The following ARL8B variants were observed in gnomAD, a reference collection of about 807,000 sequenced individuals.
ARL8B encodes the protein ADP-ribosylation factor-like protein 8B.
A neutral mutation model predicts 30.6 loss-of-function variants in ARL8B; 9 were observed. The observed-to-expected ratio is 0.29, with a 90% confidence interval of 0.18 to 0.51. The LOEUF is 0.51. ARL8B is among the 20% of genes least tolerant of loss of function. The pLI is 0.97. For synonymous variants in ARL8B, 74 were observed against 76.0 expected, an observed-to-expected ratio of 0.97 and a Z score of 0.14; for missense variants, 130 against 227.2, an observed-to-expected ratio of 0.57 and a Z score of 2.75.
chr3:5,157,542 C>G (rs2054543928), intron 1 of ARL8B, among the ~76,000 whole-genome samples: 1 of 152,188 alleles, frequency 6.6e-6, no homozygotes, highest in Non-Finnish European at 1.5e-5. Flanking sequence ...TCTACTCCCT[C>G]CCCTCCCCAA....
At chr3:5,135,037 CAG>C (rs1248977410) in intron 1 of ARL8B, among the ~76,000 whole-genome samples, 2 of 152,146 alleles carry the variant, frequency 1.3e-5, no homozygotes, top group African/African-American at 4.8e-5. Context: ...TTGGTAGACA[CAG>C]GGTTTCGCCA....
At chr3:5,155,934 G>C (rs1575568707) in intron 1 of ARL8B, among the ~76,000 whole-genome samples, 9 of 150,678 alleles carry the variant, frequency 6.0e-5, no homozygotes, top group South Asian at 4.2e-4. Flanking sequence ...ACAGGGTCTT[G>C]CTCTGTCACC....
At chr3:5,125,664 C>G (rs1014188644) in intron 1 of ARL8B, among the ~76,000 whole-genome samples, 6 of 152,000 alleles carry the variant, frequency 3.9e-5, no homozygotes, top group Non-Finnish European at 8.8e-5. Context: ...TCCCGAGTAG[C>G]TGGGACTACA....
At chr3:5,137,690 G>C (rs571978600) in intron 1 of ARL8B, among the ~76,000 whole-genome samples, 1 of 152,140 alleles carries the variant, frequency 6.6e-6, no homozygotes, top group South Asian at 2.1e-4. Context: ...CACCCGCCTT[G>C]GCCTCCCAAA....
At chr3:5,129,812 G>T (rs1013706605) in intron 1 of ARL8B, among the ~76,000 whole-genome samples, 1 of 152,186 alleles carries the variant, frequency 6.6e-6, no homozygotes, top group South Asian at 2.1e-4. Context: ...GAAGCCAGGA[G>T]TTGAAGACCA....
At chr3:5,172,579 CAAT>C (rs1405664174) in intron 3 of ARL8B, 65 bp from the exon 4 acceptor site, 1 of 1,037,286 alleles carries the variant, frequency 9.6e-7, no homozygotes, top group African/African-American at 1.6e-5. Context: ...AATTAAAAAT[CAAT>C]AATACTAGTT....
intron 1 of ARL8B, among the ~76,000 whole-genome samples, chr3:5,137,555 C>T (rs2054338679): frequency 6.6e-6 from 1 of 151,124 alleles, no homozygotes; most frequent in South Asian, 2.1e-4. Flanking sequence ...TCTCCTGCCT[C>T]AGCCTCCCAA....
chr3:5,131,558 T>C (rs1157857894), intron 1 of ARL8B, among the ~76,000 whole-genome samples: 1 of 151,868 alleles, frequency 6.6e-6, no homozygotes, highest in Non-Finnish European at 1.5e-5. Context: ...GGCCAGATAA[T>C]TTTTGTATTT....
At chr3:5,149,521 A>G (rs535951784) in intron 1 of ARL8B, among the ~76,000 whole-genome samples, 1 of 152,240 alleles carries the variant, frequency 6.6e-6, no homozygotes, top group African/African-American at 2.4e-5. Flanking sequence ...CTCCTAGCAC[A>G]CAAGTCCCTC....
chr3:5,163,926 T>C (rs1325623067), intron 1 of ARL8B, among the ~76,000 whole-genome samples: 1 of 152,194 alleles, frequency 6.6e-6, no homozygotes, highest in Non-Finnish European at 1.5e-5. Flanking sequence ...ATATCATGTA[T>C]GTGTTTGCAA....
intron 1 of ARL8B, among the ~76,000 whole-genome samples, chr3:5,127,227 C>T (rs1186020404): frequency 3.3e-5 from 5 of 152,172 alleles, no homozygotes; most frequent in Admixed American, 6.6e-5. Context: ...AAAGCTAATT[C>T]GTAGCAGAGA....
At chr3:5,151,549 C>T (rs548119713) in intron 1 of ARL8B, among the ~76,000 whole-genome samples, 2 of 152,160 alleles carry the variant, frequency 1.3e-5, no homozygotes, top group African/African-American at 4.8e-5. Flanking sequence ...TTTTTATTTT[C>T]CCTTGAGGCT....
At chr3:5,164,793 T>C (rs2054610198) in intron 1 of ARL8B, among the ~76,000 whole-genome samples, 1 of 152,228 alleles carries the variant, frequency 6.6e-6, no homozygotes, top group Non-Finnish European at 1.5e-5. Context: ...AGGTACCTTT[T>C]GGATGCAGTC....
intron 1 of ARL8B, among the ~76,000 whole-genome samples, chr3:5,150,165 T>C (rs538641220): frequency 6.6e-6 from 1 of 152,262 alleles, no homozygotes; most frequent in South Asian, 2.1e-4. Context: ...TATTCTTTAA[T>C]GTTTGGTAGA....
At position 5,174,096 on chromosome 3, in the gene ARL8B, A is replaced by G; in HGVS notation, c.440+12A>G. 6.3e-7 allele frequency: 1 copy of G among 1,593,252 alleles called. No individual in the cohort carries two copies. Among genetic ancestry groups the G allele is most frequent in the Non-Finnish European group, 8.6e-7 (1 of 1,163,064 alleles). On this transcript the variant is annotated intron_variant, in intron 5 of 6. Transcript: ENST00000256496. ...CTAATTGAAAAAATGTATGTCTTGA[A>G]TATGCTATTTTAATAATTTGCTTCT...
chr3:5,125,536 CTTT>C (rs66519927), intron 1 of ARL8B, among the ~76,000 whole-genome samples: 1 of 141,950 alleles, frequency 7.0e-6, no homozygotes. Context: ...CCACCATTAT[CTTT>C]TTTTTTTTTT....
At chr3:5,174,447 G>T (rs746310574) in intron 6 of ARL8B, 33 bp downstream of exon 6, 1 of 1,359,724 alleles carries the variant, frequency 7.4e-7, no homozygotes, top group South Asian at 1.2e-5. Flanking sequence ...GGAAGAAATG[G>T]GTATCATTGG....
chr3:5,126,690 G>A (rs79938010), intron 1 of ARL8B, among the ~76,000 whole-genome samples: 1 of 152,124 alleles, frequency 6.6e-6, no homozygotes, highest in African/African-American at 2.4e-5. Context: ...TTTATGTAGA[G>A]ACACTTGATA....
intron 1 of ARL8B, among the ~76,000 whole-genome samples, chr3:5,139,345 A>C (rs1473236749): frequency 6.6e-6 from 1 of 152,220 alleles, no homozygotes; most frequent in Non-Finnish European, 1.5e-5. Flanking sequence ...AGCAGTCTTT[A>C]AAGATAGTCT....
Sources: allele counts gnomAD v4.1 joint callset (sites outside exome capture counted in the v4.1 genomes callset), GRCh38; gene constraint gnomAD v4.1.1; transcripts MANE v1.5; gene names NCBI Gene and HGNC (gene_info 2026-07-23, HGNC 2026-07-21).